Variants in ADGRG6 observed in about 807,000 individuals in gnomAD.
The protein encoded by ADGRG6 is adhesion G protein-coupled receptor G6.
Under a neutral mutation model 142.4 loss-of-function variants are expected in ADGRG6, and 84 were observed. The observed-to-expected ratio is 0.59, with a 90% CI of 0.49 to 0.71. The LOEUF is 0.71. ADGRG6 is among the 30% of genes least tolerant of loss of function. ADGRG6 has a pLI of 0.00. For missense variants in ADGRG6, 1,367 were observed against 1,466.6 expected (o/e 0.93, Z 1.11); for synonymous variants, 521 against 520.5 (o/e 1.00, Z -0.01).
At chr6:142,356,737 G>A (rs746122996) in intron 2 of ADGRG6, among the ~76,000 whole-genome samples, 3 of 151,996 alleles carry the variant, frequency 2.0e-5, no homozygotes, top group Non-Finnish European at 4.4e-5. Context: ...GGGGGCTAGT[G>A]ACTACCTCAA....
chr6:142,331,855 T>G (rs1779080162), intron 2 of ADGRG6, among the ~76,000 whole-genome samples: 1 of 152,200 alleles, frequency 6.6e-6, no homozygotes, highest in Non-Finnish European at 1.5e-5. Flanking sequence ...TGGCATGTTT[T>G]CATGTTAACT....
rs1337573549 is a variant in ADGRG6 at position 142,417,330 on chromosome 6, A to C, written c.2996A>C (p.Tyr999Ser). Residue 999 changes from tyrosine to serine, a missense_variant, in exon 21 of 25, where the codon TAT (tyrosine) becomes TCT (serine). Physicochemically the swap from Tyr to Ser is moderately radical, Grantham distance 144. Transcript: ENST00000367609. ...VLASRNNNEVYGKESYGKEKG... is the reference protein window; with the variant it reads ...VLASRNNNEVSGKESYGKEKG... ...GCGAGCAGAAACAACAATGAAGTCT[A>C]TGGAAAAGAAAGTTATGGGAAAGAA... 1.9e-6 allele frequency: 3 copies of C among 1,602,268 alleles called. No individual in the cohort carries two copies. In the African/African-American group the frequency reaches 4.0e-5, roughly 21 times the overall value.
rs1393359499 is a variant in ADGRG6, at chr6:142,415,008, A to G, written c.2581A>G (p.Thr861Ala). ...TGCCTCACAGTTAGATGCAAGAAAC[A>G]CTAAAGTCCTCACTTTCATCAGCTA... ...RSASQLDARN[T>A]KVLTFISYIG... Residue 861 changes from threonine to alanine, a missense_variant, in exon 19 of 25, where the codon ACT becomes GCT. Transcript: ENST00000367609. 2.9e-5 allele frequency: 46 copies of G among 1,611,714 alleles called. No individual in the cohort carries two copies. The highest frequency in any genetic ancestry group is 3.9e-5 in the Non-Finnish European group (46 of 1,178,668).
intron 18 of ADGRG6, 67 bp downstream of exon 18, chr6:142,411,478 A>G: frequency 1.2e-6 from 1 of 803,826 alleles, no homozygotes. Flanking sequence ...CCTTTTTTGT[A>G]TGTATTTTTA....
At chr6:142,351,534 A>T (rs983107649) in intron 2 of ADGRG6, among the ~76,000 whole-genome samples, 1 of 152,206 alleles carries the variant, frequency 6.6e-6, no homozygotes, top group African/African-American at 2.4e-5. Context: ...TCTTCCTTAC[A>T]CTACACACAA....
At chr6:142,398,190 G>C (rs1195689774) in intron 10 of ADGRG6, among the ~76,000 whole-genome samples, 1 of 152,206 alleles carries the variant, frequency 6.6e-6, no homozygotes, top group Non-Finnish European at 1.5e-5. Context: ...ACTTTGGGAG[G>C]CCAAGGTGGA....
At chr6:142,415,174 A>C in intron 19 of ADGRG6, 78 bp downstream of exon 19, 6 of 1,159,712 alleles carry the variant, frequency 5.2e-6, no homozygotes, top group Non-Finnish European at 7.4e-6. Context: ...GGCTTTGAAA[A>C]ACATTTATAC....
intron 2 of ADGRG6, among the ~76,000 whole-genome samples, chr6:142,310,037 C>A (rs906708202): frequency 1.3e-5 from 2 of 151,782 alleles, no homozygotes; most frequent in African/African-American, 4.8e-5. Context: ...AAAGTACAGA[C>A]TTTGCTAGTT....
At chr6:142,357,264 A>G (rs1368174352) in intron 2 of ADGRG6, among the ~76,000 whole-genome samples, 1 of 152,180 alleles carries the variant, frequency 6.6e-6, no homozygotes, top group African/African-American at 2.4e-5. Context: ...TCATACATAC[A>G]TACTCCCCTG....
intron 4 of ADGRG6, among the ~76,000 whole-genome samples, chr6:142,374,677 C>CA (rs1039474682): frequency 2.0e-5 from 3 of 151,964 alleles, no homozygotes; most frequent in African/African-American, 4.8e-5. Flanking sequence ...GAAGCTTAGA[C>CA]AAAAAAAAGT....
At chr6:142,374,626 A>T (rs1038136136) in intron 4 of ADGRG6, among the ~76,000 whole-genome samples, 1 of 152,156 alleles carries the variant, frequency 6.6e-6, no homozygotes, top group Non-Finnish European at 1.5e-5. Flanking sequence ...TTAAATGGGA[A>T]TGCTGATTTA....
In ADGRG6 at chr6:142,402,021, A is replaced by T; in HGVS notation, c.1707A>T (p.Val569=). The change falls in exon 12 of 25, where the codon GTA becomes GTT. Residue 569 remains valine (V), a synonymous_variant. Transcript: ENST00000367609. ...TTTACAATGCTACCAACCCATTGGT[A>T]ACCTACTGGGGACCTGTTGATATCT... is the stretch of plus-strand genomic sequence containing the variant. ...ICFYNATNPL[V]TYWGPVDISN... is the part of the protein sequence containing the mutation. 1 of 1,554,316 alleles carries T rather than the reference A, an allele frequency of 6.4e-7. No homozygotes were observed. Among genetic ancestry groups the T allele is most frequent in the Non-Finnish European group, 8.8e-7 (1 of 1,132,996 alleles).
At chr6:142,363,286 A>T (rs1400961389) in intron 2 of ADGRG6, among the ~76,000 whole-genome samples, 1 of 152,254 alleles carries the variant, frequency 6.6e-6, no homozygotes, top group Non-Finnish European at 1.5e-5. Context: ...TTTGGATTTT[A>T]TAAAGAAGTA....
intron 6 of ADGRG6, among the ~76,000 whole-genome samples, chr6:142,388,174 T>A (rs1782124563): frequency 6.6e-6 from 1 of 152,198 alleles, no homozygotes; most frequent in Non-Finnish European, 1.5e-5. Flanking sequence ...TTTATGTTGC[T>A]TTGACAGTTC....
intron 2 of ADGRG6, among the ~76,000 whole-genome samples, chr6:142,349,509 G>C (rs536222564): frequency 6.6e-6 from 1 of 152,328 alleles, no homozygotes; most frequent in African/African-American, 2.4e-5. Context: ...TAGGTGAGGT[G>C]TCTCTCTTCA....
intron 10 of ADGRG6, 111 bp from the exon 11 acceptor site, chr6:142,400,374 A>C (rs1296223062): frequency 3.3e-6 from 2 of 611,552 alleles, no homozygotes; most frequent in Non-Finnish European, 5.9e-6. Flanking sequence ...GTATTACATT[A>C]AAGAAATACC....
intron 2 of ADGRG6, among the ~76,000 whole-genome samples, chr6:142,325,915 G>A (rs1197342588): frequency 6.6e-6 from 1 of 151,806 alleles, no homozygotes; most frequent in African/African-American, 2.4e-5. Flanking sequence ...AGTAGCAAAT[G>A]CTTCACACAT....
chr6:142,439,174 A>C lies in ADGRG6; in HGVS notation c.3574+810A>C, dbSNP rs550269766. Among the ~76,000 whole-genome samples the C allele has an allele frequency of 1.7e-4, 26 of 152,308 alleles. No homozygotes were observed. The South Asian group carries it at 5.2e-3, about 30-fold the overall frequency. On this transcript the variant is annotated intron_variant, in intron 24 of 24. Transcript: ENST00000367609. ...CAAAAAAATAGTAATATTTTGCAGC[A>C]CTTGATAGTGAATGATGTGAAAATG...
intron 2 of ADGRG6, among the ~76,000 whole-genome samples, chr6:142,355,075 C>T (rs910681413): frequency 5.9e-5 from 9 of 152,180 alleles, no homozygotes; most frequent in Admixed American, 3.9e-4. Context: ...TGGGGTTTCT[C>T]ATCTTTTCCT....
Sources: gnomAD v4.1 joint callset for allele counts (sites outside exome capture counted in the v4.1 genomes callset) on GRCh38, gnomAD v4.1.1 for gene constraint, MANE v1.5 for transcripts, NCBI Gene and HGNC (gene_info 2026-07-23, HGNC 2026-07-21) for gene names.